The following SPINT2 variants were observed in gnomAD, a reference collection of about 807,000 sequenced individuals.
SPINT2 encodes serine peptidase inhibitor, Kunitz type 2.
A neutral mutation model predicts 30.1 loss-of-function variants in SPINT2; 18 were observed. The ratio of observed to expected loss-of-function variants is 0.60; its 90% CI spans 0.41 to 0.89. The LOEUF (loss-of-function observed/expected upper bound fraction) is 0.89, where lower values mean the gene tolerates loss of function less well. Among genes scored for constraint, SPINT2 ranks in the 40% least tolerant of loss-of-function variants. The pLI is 0.00. For missense variants in SPINT2, 276 were observed against 334.3 expected (o/e 0.83, Z 1.36); for synonymous variants, 139 against 137.9 (o/e 1.01, Z -0.05).
chr19:38,290,975 A>G lies in SPINT2; in HGVS notation c.592+400A>G, dbSNP rs1968710979. The G allele has an allele frequency of 3.1e-6, 1 of 321,684 alleles. No homozygotes were observed. The highest frequency in any genetic ancestry group is 2.1e-5 in the African/African-American group (1 of 46,970). The allele number at this position is 321,684 out of a possible 1,614,324, so 19.9% of individuals were successfully genotyped here. A position where few individuals can be genotyped will look rare whatever the true frequency, so the allele number is the denominator to read the frequency against. ...GTGTTTCCCAACACAGTCTGGTCTG[A>G]GCGGGAGGCCAGGCCTCTGGCCTGT... On this transcript the variant is annotated intron_variant, in intron 6 of 6. Coordinates refer to ENST00000301244, the MANE Select transcript of SPINT2 (RefSeq NM_021102.4). The surrounding 1 kb of genome is among the most constrained non-coding windows in gnomAD (Gnocchi z 4.3).
chr19:38,291,598 C>T (rs890015049), intron 6 of SPINT2: 10 of 535,722 alleles, frequency 1.9e-5, no homozygotes, highest in African/African-American at 3.8e-5. Context: ...ACTCTGCTGG[C>T]GACACGGCCA....
chr19:38,285,070 C>A (rs1185152589), intron 2 of SPINT2, among the ~76,000 whole-genome samples: 1 of 152,138 alleles, frequency 6.6e-6, no homozygotes, highest in East Asian at 1.9e-4. Flanking sequence ...CTCACCCAGC[C>A]AAGTTACCGA....
chr19:38,266,781 TTGG>T (rs1396278899), intron 1 of SPINT2, among the ~76,000 whole-genome samples: 5 of 152,190 alleles, frequency 3.3e-5, no homozygotes, highest in African/African-American at 1.2e-4. Flanking sequence ...AAAAAGTGAA[TTGG>T]TGGGGAGAGG....
intron 1 of SPINT2, among the ~76,000 whole-genome samples, chr19:38,268,756 TGCGCGC>T (rs67698523): frequency 6.7e-6 from 1 of 148,838 alleles, no homozygotes; most frequent in African/African-American, 2.5e-5. Flanking sequence ...AGAGAGAGCA[TGCGCGC>T]GCGCGTGTGT....
At chr19:38,289,965 G>A (rs950364463) in intron 4 of SPINT2, 154 bp from the exon 5 acceptor site, 10 of 829,174 alleles carry the variant, frequency 1.2e-5, no homozygotes, top group East Asian at 1.0e-4. Flanking sequence ...CGTCAGAGCC[G>A]CTGCACTGGT....
chr19:38,292,159 G>A lies in SPINT2; in HGVS notation c.*153G>A. ...GCTGCTTCCTGGTCTGGCAGGGATG[G>A]GTTTGCTTTGGAAATCCTCTAGGAG... On this transcript the variant is annotated 3_prime_UTR_variant, in exon 7 of 7. Transcript: ENST00000301244. 9.0e-7 allele frequency: 1 copy of A among 1,108,792 alleles called. No homozygotes were observed. The highest frequency in any genetic ancestry group is 1.3e-6 in the Non-Finnish European group (1 of 774,780). The allele number at this position is 1,108,792 out of a possible 1,614,324, so 68.7% of individuals were successfully genotyped here.
intron 1 of SPINT2, among the ~76,000 whole-genome samples, chr19:38,279,826 G>C (rs1020514769): frequency 6.6e-6 from 1 of 152,048 alleles, no homozygotes; most frequent in Non-Finnish European, 1.5e-5. Flanking sequence ...GCTAATTTTT[G>C]TATTTTTAGT....
rs528808200 is a variant in SPINT2 at position 38,269,299 on chromosome 19, A to G, written c.106+4301A>G. Among the ~76,000 whole-genome samples the G allele has an allele frequency of 1.3e-3, 202 of 150,190 alleles. 1 individual carries two copies. The highest frequency in any genetic ancestry group is 2.0e-3 in the Non-Finnish European group (134 of 67,630). Reference sequence around the variant, plus strand: ...TTTTTAGTAGAGACAGGGTCTCACCACCGTGTTAGCCAGGATGGTTCAAGG... The same window carrying G: ...TTTTTAGTAGAGACAGGGTCTCACCGCCGTGTTAGCCAGGATGGTTCAAGG... On this transcript the variant is annotated intron_variant, in intron 1 of 6. Transcript: ENST00000301244.
Position 38,264,992 on chromosome 19 carries a change from A to C in SPINT2, c.100A>C (p.Ile34Leu). The C allele has an allele frequency of 6.5e-7, 1 of 1,528,234 alleles. No homozygotes were observed. The highest frequency in any genetic ancestry group is 8.8e-7 in the Non-Finnish European group (1 of 1,141,688). The allele number at this position is 1,528,234 out of a possible 1,614,324, so 94.7% of individuals were successfully genotyped here. ...CCTGGCGGCCGACCGAGAACGCAGC[A>C]TCCACGGTGAGGGCCGGGCGGGTAG... Reference protein sequence around the residue: ...GVLAADRERSIHDFCLVSKVV... With the variant: ...GVLAADRERSLHDFCLVSKVV... Residue 34 changes from isoleucine (I) to leucine (L), a missense_variant, in exon 1 of 7, where the codon ATC becomes CTC. By Grantham distance (5) the Ile-to-Leu change is conservative. Transcript: ENST00000301244.
At chr19:38,285,939 T>C (rs1968635531) in intron 2 of SPINT2, among the ~76,000 whole-genome samples, 1 of 152,164 alleles carries the variant, frequency 6.6e-6, no homozygotes, top group South Asian at 2.1e-4. Context: ...GGAGCTGAAG[T>C]GTTGAGAACT....
rs776100643 is a variant in SPINT2, at chr19:38,290,480, G to A, written c.554-57G>A. ...GGCCCTGGCTGAGGGGATCCCCTGC[G>A]GCAGCTCTGTGGAATGGGGGCTGTG... On this transcript the variant is annotated intron_variant, in intron 5 of 6. Transcript: ENST00000301244. The surrounding 1 kb of genome is among the most constrained non-coding windows in gnomAD (Gnocchi z 4.3). The A allele has an allele frequency of 3.0e-5, 49 of 1,613,498 alleles. No individual in the cohort carries two copies. The highest frequency in any genetic ancestry group is 3.6e-5 in the Non-Finnish European group (42 of 1,179,772).
At chr19:38,291,642 T>G in intron 6 of SPINT2, 198 bp from the exon 7 acceptor site, 4 of 627,980 alleles carry the variant, frequency 6.4e-6, no homozygotes, top group East Asian at 2.9e-5. Context: ...GGCGCCTCCT[T>G]TTTTGGGGGA....
chr19:38,275,558 C>T (rs1283063282), intron 1 of SPINT2, among the ~76,000 whole-genome samples: 1 of 151,996 alleles, frequency 6.6e-6, no homozygotes, highest in African/African-American at 2.4e-5. Flanking sequence ...ATCCTGACCA[C>T]AGGTGTGAGC....
chr19:38,286,209 C>G (rs1240416021), intron 2 of SPINT2, among the ~76,000 whole-genome samples: 1 of 152,134 alleles, frequency 6.6e-6, no homozygotes, highest in Non-Finnish European at 1.5e-5. Flanking sequence ...TGTGGGAAGG[C>G]AAGTGAGAAT....
intron 1 of SPINT2, among the ~76,000 whole-genome samples, chr19:38,273,213 CA>C (rs1184553912): frequency 1.3e-5 from 2 of 152,008 alleles, no homozygotes; most frequent in Non-Finnish European, 2.9e-5. Flanking sequence ...TCCAGACACC[CA>C]AGCCTAGAGG....
At chr19:38,266,922 C>T (rs1458190118) in intron 1 of SPINT2, among the ~76,000 whole-genome samples, 1 of 152,214 alleles carries the variant, frequency 6.6e-6, no homozygotes, top group Non-Finnish European at 1.5e-5. Flanking sequence ...CTCCCAGTTA[C>T]CTGGCCTCTT....
At chr19:38,287,208 T>G (rs952699263) in intron 2 of SPINT2, among the ~76,000 whole-genome samples, 22 of 152,092 alleles carry the variant, frequency 1.4e-4, no homozygotes, top group African/African-American at 5.3e-4. Flanking sequence ...GGTTTTTTTG[T>G]TTGTTTTTTG....
In SPINT2 at chr19:38,282,230, G is replaced by A. The variant is rs780757928; in HGVS notation, c.107-1397G>A. Among the ~76,000 whole-genome samples the A allele has an allele frequency of 3.3e-5, 5 of 152,202 alleles. No individual in the cohort carries two copies. In the South Asian group the frequency reaches 8.3e-4, roughly 25 times the overall value. On this transcript the variant is annotated intron_variant, in intron 1 of 6. Coordinates refer to ENST00000301244, the MANE Select transcript of SPINT2 (RefSeq NM_021102.4). ...ACAACAGAAGATATATCCCTAGTGG[G>A]TGAAACAAACCTAACAAACATGAAA...
At chr19:38,269,607 CT>C (rs1189751582) in intron 1 of SPINT2, among the ~76,000 whole-genome samples, 8,060 of 106,126 alleles carry the variant, frequency 0.076, 251 homozygotes, top group East Asian at 0.12. Context: ...GATTTCTTTT[CT>C]TTTTTTTTTT....
Sources: allele counts gnomAD v4.1 joint callset (sites outside exome capture counted in the v4.1 genomes callset), GRCh38; gene constraint gnomAD v4.1.1; non-coding constraint Gnocchi (gnomAD v3.1); transcripts MANE v1.5; gene names NCBI Gene and HGNC (gene_info 2026-07-23, HGNC 2026-07-21).